CCDC88A: variants seen among roughly 807,000 people sequenced by gnomAD.
CCDC88A encodes girdin.
Under a neutral mutation model 234.3 loss-of-function variants are expected in CCDC88A, and 54 were observed. That is an observed-to-expected ratio of 0.23 (90% CI 0.19 to 0.29). The LOEUF (loss-of-function observed/expected upper bound fraction) is 0.29, where lower values mean the gene tolerates loss of function less well. Among genes scored for constraint, CCDC88A ranks in the 10% least tolerant of loss-of-function variants. CCDC88A has a pLI of 1.00. For missense variants in CCDC88A, 1,832 were observed against 2,123.4 expected (o/e 0.86, Z 2.70); for synonymous variants, 753 against 737.8 (o/e 1.02, Z -0.33).
chr2:55,374,748 AAAATAAACATCATAG>A (rs1553423237), intron 4 of CCDC88A, 51 bp downstream of exon 4: 2 of 980,430 alleles, frequency 2.0e-6, no homozygotes, highest in Non-Finnish European at 3.2e-6. Context: ...CTCTTAGTAA[AAAATAAACATCATAG>A]TATTACACAA....
At chr2:55,311,795 C>T (rs182458062) in intron 23 of CCDC88A, among the ~76,000 whole-genome samples, 7 of 152,186 alleles carry the variant, frequency 4.6e-5, no homozygotes, top group African/African-American at 1.7e-4. Context: ...TTTCTGGAGA[C>T]ACAACTTACC....
chr2:55,335,216 T>C lies in CCDC88A; in HGVS notation c.1657-52A>G, dbSNP rs745306864. 2.6e-6 allele frequency: 3 copies of C among 1,173,670 alleles called. No homozygotes were observed. The highest frequency in any genetic ancestry group is 2.8e-5 in the Admixed American group (1 of 35,456). 72.7% of individuals were successfully genotyped at this position (1,173,670 alleles called of 1,614,324 possible). Reference sequence around the variant, plus strand: ...GCTGTAATTGAGGAAAAACTAACTATGGTTTATCTCTTCCAAAAACTACCA... The same window carrying C: ...GCTGTAATTGAGGAAAAACTAACTACGGTTTATCTCTTCCAAAAACTACCA... On this transcript the variant is annotated intron_variant, in intron 14 of 32. Coordinates refer to ENST00000436346, the MANE Select transcript of CCDC88A (RefSeq NM_001365480.1). The surrounding 1 kb of genome is among the most constrained non-coding windows in gnomAD (Gnocchi z 4.5).
At chr2:55,345,426 G>C (rs911815389) in intron 10 of CCDC88A, 2 of 152,078 alleles carry the variant, frequency 1.3e-5, no homozygotes, top group African/African-American at 2.4e-5. Flanking sequence ...GTTTGAGACA[G>C]AGTCTCACTC....
intron 16 of CCDC88A, chr2:55,330,281 G>C (rs1485674225): frequency 6.6e-6 from 1 of 151,844 alleles, no homozygotes; most frequent in Non-Finnish European, 1.5e-5. Flanking sequence ...GTGGATCCTG[G>C]GGTCAGGAGT....
rs142294498 is a variant in CCDC88A at position 55,367,807 on chromosome 2, G to A, written c.403-3774C>T. Among the ~76,000 whole-genome samples the A allele has an allele frequency of 1.9e-3, 283 of 151,930 alleles. 6 individuals are homozygous for A. In the East Asian group the frequency reaches 0.045, roughly 24 times the overall value. On this transcript the variant is annotated intron_variant, in intron 5 of 32. Transcript: ENST00000436346. ...CTGGTTTTCAGAATCAAATACTAACGGTAGATTCCTTCTAAGGGTACATAA... is the reference window on the plus strand; with the variant it reads ...CTGGTTTTCAGAATCAAATACTAACAGTAGATTCCTTCTAAGGGTACATAA...
At chr2:55,414,628 A>C (rs1382285857) in intron 2 of CCDC88A, among the ~76,000 whole-genome samples, 1 of 152,250 alleles carries the variant, frequency 6.6e-6, no homozygotes, top group Non-Finnish European at 1.5e-5. Flanking sequence ...AGACTTCAAA[A>C]TTGTGAGGCA....
At chr2:55,410,237 G>C (rs1228489999) in intron 2 of CCDC88A, among the ~76,000 whole-genome samples, 1 of 152,174 alleles carries the variant, frequency 6.6e-6, no homozygotes. Flanking sequence ...CTTAGACCTT[G>C]TGCGTGCATG....
chr2:55,330,487 A>G (rs1441353173), intron 16 of CCDC88A, among the ~76,000 whole-genome samples: 1 of 116,140 alleles, frequency 8.6e-6, no homozygotes, highest in Non-Finnish European at 1.8e-5. Context: ...AAAAAGAAAG[A>G]CGGGAAACTT....
intron 2 of CCDC88A, chr2:55,399,686 C>G (rs1012347612): frequency 6.6e-6 from 1 of 152,004 alleles, no homozygotes. Flanking sequence ...TTCATGAAAC[C>G]TATTTCATTT....
rs371029549 is a variant in CCDC88A at position 55,346,205 on chromosome 2, A to G, written c.1011T>C (p.His337=). Residue 337 remains histidine, a synonymous_variant, in exon 10 of 33, where the codon CAT becomes CAC. Coordinates refer to ENST00000436346, the MANE Select transcript of CCDC88A (RefSeq NM_001365480.1). ...CTCTTGCCTTATAAAATTCAATATC[A>G]TGTAGTCTCTCTTTATATCTGCTGA... ...SEVSRYKERL[H]DIEFYKARVE... is the part of the protein sequence containing the mutation. 13 of 1,608,998 alleles carry G rather than the reference A, an allele frequency of 8.1e-6. No homozygotes were observed.
chr2:55,291,898 T>G, intron 31 of CCDC88A, 123 bp from the exon 32 acceptor site: 1 of 614,058 alleles, frequency 1.6e-6, no homozygotes, highest in Non-Finnish European at 2.8e-6. Flanking sequence ...TCTGGGAAAA[T>G]TATTAATCTC....
intron 2 of CCDC88A, among the ~76,000 whole-genome samples, chr2:55,410,240 C>T (rs757915523): frequency 1.1e-4 from 17 of 152,156 alleles, no homozygotes; most frequent in Admixed American, 2.6e-4. Flanking sequence ...AGACCTTGTG[C>T]GTGCATGCAA....
rs1679451557 is a variant in CCDC88A at position 55,291,536 on chromosome 2, T to C, written c.*35+140A>G. On this transcript the variant is annotated intron_variant, in intron 32 of 32. Coordinates refer to ENST00000436346, the MANE Select transcript of CCDC88A (RefSeq NM_001365480.1). ...TGGCAGCCAACTAATCTTGCTTCAC[T>C]AGTAAGTAGAACAGAAAGTCAATGA... is the stretch of plus-strand genomic sequence containing the variant. 3 of 418,866 alleles carry C rather than the reference T, an allele frequency of 7.2e-6. No homozygotes were observed. The East Asian group carries it at 1.1e-4, about 15-fold the overall frequency. 25.9% of individuals were successfully genotyped at this position (418,866 alleles called of 1,614,324 possible). A position where few individuals can be genotyped will look rare whatever the true frequency, so the allele number is the denominator to read the frequency against.
At chr2:55,312,996 T>C (rs569514373) in intron 22 of CCDC88A, 1 of 161,536 alleles carries the variant, frequency 6.2e-6, no homozygotes, top group South Asian at 1.7e-4. Context: ...CAAGGATTAA[T>C]TAGCATATGT....
At chr2:55,319,398 A>C (rs369752691) in intron 18 of CCDC88A, among the ~76,000 whole-genome samples, 10 of 152,288 alleles carry the variant, frequency 6.6e-5, no homozygotes, top group African/African-American at 1.2e-4. Context: ...TGGAGGTCTA[A>C]CTTTTCTAAT....
At chr2:55,295,016 AG>A (rs1432111655) in intron 31 of CCDC88A, 1 of 1,208,830 alleles carries the variant, frequency 8.3e-7, no homozygotes, top group Non-Finnish European at 1.1e-6. Context: ...ATATTAGAGA[AG>A]CAGTGTATAT....
In CCDC88A at chr2:55,328,504, AC is replaced by A; in HGVS notation, c.2856-70del. On this transcript the variant is annotated intron_variant, in intron 16 of 32. Coordinates refer to ENST00000436346, the MANE Select transcript of CCDC88A (RefSeq NM_001365480.1). The surrounding 1 kb of genome is among the most constrained non-coding windows in gnomAD (Gnocchi z 4.3). ...AAATTATTTTTAAAGATAATTTATG[AC>A]CACAAATATTCATGCCATAAATGGG... 2 of 1,138,102 alleles carry A rather than the reference AC, an allele frequency of 1.8e-6. No individual in the cohort carries two copies. The highest frequency in any genetic ancestry group is 1.2e-6 in the Non-Finnish European group (1 of 828,890). 70.5% of individuals were successfully genotyped at this position (1,138,102 alleles called of 1,614,324 possible). A position where few individuals can be genotyped will look rare whatever the true frequency, so the allele number is the denominator to read the frequency against.
chr2:55,407,451 A>C (rs962852782), intron 2 of CCDC88A, among the ~76,000 whole-genome samples: 14 of 149,192 alleles, frequency 9.4e-5, no homozygotes, highest in Non-Finnish European at 1.9e-4. Flanking sequence ...CTAAAAATAC[A>C]AAAATTAGCC....
At chr2:55,300,937 A>G in intron 28 of CCDC88A, 1 of 315,920 alleles carries the variant, frequency 3.2e-6, no homozygotes. Context: ...AATCTTATAC[A>G]AAAATGGTAA....
Sources: gnomAD v4.1 joint callset for allele counts (sites outside exome capture counted in the v4.1 genomes callset) on GRCh38, gnomAD v4.1.1 for gene constraint, Gnocchi (gnomAD v3.1) non-coding constraint, MANE v1.5 for transcripts, NCBI Gene and HGNC (gene_info 2026-07-23, HGNC 2026-07-21) for gene names.